The following AKT3 variants were observed in gnomAD, a reference collection of about 807,000 sequenced individuals.
The protein encoded by AKT3 is RAC-gamma serine/threonine-protein kinase.
In AKT3, 15 loss-of-function variants were observed where a neutral mutation model predicts 65.3. That is an observed-to-expected ratio of 0.23 (90% confidence interval 0.15 to 0.35). The LOEUF (loss-of-function observed/expected upper bound fraction) is 0.35, where lower values mean the gene tolerates loss of function less well. AKT3 is among the 10% of genes least tolerant of loss of function. The pLI is 1.00. For synonymous variants in AKT3, 206 were observed against 183.8 expected (o/e 1.12, Z -0.98); for missense variants, 243 against 576.5 (o/e 0.42, Z 5.92).
Position 243,646,013 on chromosome 1 carries a change from C to T in AKT3, c.309G>A (p.Gln103=). The T allele has an allele frequency of 6.2e-7, 1 of 1,611,044 alleles. No individual in the cohort carries two copies. Among genetic ancestry groups the T allele is most frequent in the Non-Finnish European group, 8.5e-7 (1 of 1,178,912 alleles). The part of the protein sequence containing the change: ...EEREEWTEAI[Q]AVADRLQRQE... ...GCCTCTGCAGTCTGTCTGCTACAGC[C>T]TGGATAGCTTCTGTCCATTCTTCCC... is the stretch of plus-strand genomic sequence containing the variant. Residue 103 remains glutamine (Q), a synonymous_variant, in exon 5 of 14, where the codon CAG becomes CAA. Coordinates refer to ENST00000673466, the MANE Select transcript of AKT3 (RefSeq NM_005465.7).
intron 3 of AKT3, among the ~76,000 whole-genome samples, chr1:243,675,734 G>A (rs1212888145): frequency 6.6e-6 from 1 of 152,074 alleles, no homozygotes; most frequent in Non-Finnish European, 1.5e-5. Context: ...AGCATTTGAT[G>A]TTCTTGGCTC....
At chr1:243,545,483 A>G in intron 12 of AKT3, 27 bp downstream of exon 12, 1 of 1,426,632 alleles carries the variant, frequency 7.0e-7, no homozygotes, top group Non-Finnish European at 9.8e-7. Flanking sequence ...CAAAATATAT[A>G]CACACTATGC....
intron 3 of AKT3, among the ~76,000 whole-genome samples, chr1:243,666,499 T>C (rs921484991): frequency 6.6e-6 from 1 of 152,194 alleles, no homozygotes; most frequent in African/African-American, 2.4e-5. Flanking sequence ...TTCTACCTGG[T>C]TGAATTACTG....
intron 4 of AKT3, among the ~76,000 whole-genome samples, chr1:243,659,740 T>A (rs1037564784): frequency 2.6e-5 from 4 of 152,082 alleles, no homozygotes; most frequent in Non-Finnish European, 5.9e-5. Flanking sequence ...ATAAGACAGG[T>A]GAGAGATATA....
intron 2 of AKT3, among the ~76,000 whole-genome samples, chr1:243,748,741 G>C (rs888128141): frequency 1.8e-4 from 28 of 152,098 alleles, no homozygotes; most frequent in African/African-American, 6.5e-4. Flanking sequence ...CTCAAAAGTA[G>C]TTTAGTTATA....
chr1:243,818,576 T>C (rs116685019), intron 2 of AKT3, among the ~76,000 whole-genome samples: 3 of 152,082 alleles, frequency 2.0e-5, no homozygotes, highest in South Asian at 2.1e-4. Context: ...GTTGAATAAA[T>C]ATAGTATCTC....
chr1:243,516,820 G>C (rs961139278), intron 12 of AKT3, among the ~76,000 whole-genome samples: 37 of 152,178 alleles, frequency 2.4e-4, no homozygotes, highest in African/African-American at 8.4e-4. Context: ...GTGCAGACTA[G>C]TCTCGAACTC....
intron 4 of AKT3, among the ~76,000 whole-genome samples, chr1:243,648,212 C>T (rs1277074315): frequency 1.3e-5 from 2 of 150,602 alleles, no homozygotes; most frequent in Non-Finnish European, 3.0e-5. Flanking sequence ...GAGCTGAAAT[C>T]ACACCATGGC....
chr1:243,503,006 GTTTC>G lies in AKT3; in HGVS notation c.*2239_*2242del, dbSNP rs1156890157. ...CAGCTTTCTGCTCTTCCTCTCACCT[GTTTC>G]TTTCTTATATAATGGATGCAAGACA... On this transcript the variant is annotated 3_prime_UTR_variant, in exon 14 of 14. Transcript: ENST00000673466. The G allele has an allele frequency of 4.3e-6, 1 of 233,034 alleles. No homozygotes were observed. Among genetic ancestry groups the G allele is most frequent in the African/African-American group, 2.2e-5 (1 of 45,242 alleles). The allele number at this position is 233,034 out of a possible 1,614,324, so 14.4% of individuals were successfully genotyped here.
chr1:243,668,228 G>A (rs1402730471), intron 3 of AKT3, among the ~76,000 whole-genome samples: 1 of 152,064 alleles, frequency 6.6e-6, no homozygotes, highest in Non-Finnish European at 1.5e-5. Flanking sequence ...CAACAAAGAA[G>A]GTAATTTTGA....
At chr1:243,584,476 G>A (rs991457702) in intron 8 of AKT3, among the ~76,000 whole-genome samples, 4 of 152,114 alleles carry the variant, frequency 2.6e-5, no homozygotes, top group African/African-American at 7.2e-5. Context: ...ACCTGGCAAA[G>A]ACACAATGAA....
intron 2 of AKT3, chr1:243,794,366 T>C (rs1239156546): frequency 3.3e-5 from 5 of 152,196 alleles, no homozygotes; most frequent in East Asian, 1.9e-4. Context: ...TACTATACAA[T>C]GTGATTAGGT....
At chr1:243,831,552 T>C (rs540938015) in intron 2 of AKT3, among the ~76,000 whole-genome samples, 1 of 152,258 alleles carries the variant, frequency 6.6e-6, no homozygotes, top group East Asian at 1.9e-4. Flanking sequence ...CAAAAGGTAA[T>C]GTGATTGATT....
chr1:243,549,105 T>A (rs1574586295), intron 11 of AKT3, among the ~76,000 whole-genome samples: 1 of 152,194 alleles, frequency 6.6e-6, no homozygotes, highest in Non-Finnish European at 1.5e-5. Flanking sequence ...ACCTCCTAGA[T>A]ATAGTTATGG....
intron 11 of AKT3, 161 bp from the exon 12 acceptor site, chr1:243,545,758 C>A: frequency 5.2e-6 from 3 of 571,752 alleles, no homozygotes; most frequent in South Asian, 2.6e-5. Flanking sequence ...TCTATTTTTC[C>A]TAATATGCTT....
At chr1:243,805,784 T>C (rs773495631) in intron 2 of AKT3, among the ~76,000 whole-genome samples, 1 of 152,216 alleles carries the variant, frequency 6.6e-6, no homozygotes, top group African/African-American at 2.4e-5. Context: ...CATTCCCTGT[T>C]AGTAAAGTGT....
At chr1:243,772,254 C>A (rs1475665730) in intron 2 of AKT3, among the ~76,000 whole-genome samples, 3 of 151,974 alleles carry the variant, frequency 2.0e-5, no homozygotes. Context: ...GAACAGGCAA[C>A]CTACAGAATG....
chr1:243,791,758 C>T (rs1472349177), intron 2 of AKT3, among the ~76,000 whole-genome samples: 1 of 152,160 alleles, frequency 6.6e-6, no homozygotes, highest in Non-Finnish European at 1.5e-5. Flanking sequence ...ACATTCTGCC[C>T]CTGGGCGGCA....
chr1:243,678,860 A>T (rs1048728355), intron 3 of AKT3, among the ~76,000 whole-genome samples: 23 of 152,282 alleles, frequency 1.5e-4, no homozygotes, highest in African/African-American at 5.5e-4. Context: ...AACTCTTGGA[A>T]AATACAGGTC....
Sources: allele counts gnomAD v4.1 joint callset (sites outside exome capture counted in the v4.1 genomes callset), GRCh38; gene constraint gnomAD v4.1.1; transcripts MANE v1.5; gene names NCBI Gene and HGNC (gene_info 2026-07-23, HGNC 2026-07-21).